CAPZA1: variants seen among roughly 807,000 people sequenced by gnomAD.
CAPZA1 encodes F-actin-capping protein subunit alpha-1.
Under a neutral mutation model 40.8 loss-of-function variants are expected in CAPZA1, and 10 were observed. The ratio of observed to expected loss-of-function variants is 0.25; its 90% CI spans 0.15 to 0.42. The LOEUF is 0.42. Ranked by LOEUF, CAPZA1 falls within the 10% of genes least tolerant of loss-of-function variation. The pLI is 1.00. For missense variants in CAPZA1, 277 were observed against 353.8 expected (o/e 0.78, Z 1.74); for synonymous variants, 98 against 115.0 (o/e 0.85, Z 0.95).
intron 1 of CAPZA1, among the ~76,000 whole-genome samples, chr1:112,627,636 C>CAAAAAAAAAA (rs3034524): frequency 2.0e-4 from 10 of 50,764 alleles, no homozygotes; most frequent in African/African-American, 7.4e-4. Flanking sequence ...GACTCTGTCT[C>CAAAAAAAAAA]AAAAAAAAAA....
At chr1:112,621,495 A>G (rs1022745073) in intron 1 of CAPZA1, among the ~76,000 whole-genome samples, 4 of 152,120 alleles carry the variant, frequency 2.6e-5, no homozygotes, top group African/African-American at 9.7e-5. Context: ...CAAACGATCC[A>G]TCCGTCTTCG....
chr1:112,624,520 A>G lies in CAPZA1; in HGVS notation c.39+4637A>G, dbSNP rs1197368642. 2.7e-5 allele frequency among the ~76,000 whole-genome samples: 4 copies of G among 148,234 alleles called. No individual in the cohort carries two copies. In the East Asian group the frequency reaches 8.1e-4, roughly 30 times the overall value. ...CTACTCAGGAGGCTGAGGCAGGAGAATAGCTTGAACCCAGGAGGCGGAGGT... is the reference window on the plus strand; with the variant it reads ...CTACTCAGGAGGCTGAGGCAGGAGAGTAGCTTGAACCCAGGAGGCGGAGGT... On this transcript the variant is annotated intron_variant, in intron 1 of 9. Coordinates refer to ENST00000263168, the MANE Select transcript of CAPZA1 (RefSeq NM_006135.3).
intron 7 of CAPZA1, 142 bp downstream of exon 7, chr1:112,659,921 TG>T (rs1363719284): frequency 9.3e-6 from 6 of 646,338 alleles, no homozygotes; most frequent in Non-Finnish European, 1.7e-5. Context: ...GCCTCCTTCT[TG>T]GGGTGGTAAA....
chr1:112,659,787 T>G lies in CAPZA1; in HGVS notation c.585+8T>G. On this transcript the variant is annotated splice_region_variant and intron_variant, in intron 7 of 9. Coordinates refer to ENST00000263168, the MANE Select transcript of CAPZA1 (RefSeq NM_006135.3). ...GGCGTGCTTAAGATTCAGGTGAGAT[T>G]CCAACATGTTTATAGACTTAAAACT... is the stretch of plus-strand genomic sequence containing the variant. 2.5e-6 allele frequency: 4 copies of G among 1,607,330 alleles called. No individual in the cohort carries two copies. Among genetic ancestry groups the G allele is most frequent in the Non-Finnish European group, 3.4e-6 (4 of 1,174,336 alleles).
intron 2 of CAPZA1, among the ~76,000 whole-genome samples, chr1:112,648,594 G>A (rs1462291890): frequency 1.3e-5 from 2 of 151,522 alleles, no homozygotes; most frequent in African/African-American, 2.4e-5. Flanking sequence ...GGGATTACAG[G>A]CGTGAGCCAC....
At chr1:112,656,381 C>A (rs752555894) in intron 5 of CAPZA1, among the ~76,000 whole-genome samples, 3 of 144,114 alleles carry the variant, frequency 2.1e-5, no homozygotes, top group African/African-American at 7.8e-5. Flanking sequence ...CAGTGCCTGG[C>A]ACAAAGTAAG....
intron 2 of CAPZA1, among the ~76,000 whole-genome samples, 186 bp from the exon 3 acceptor site, chr1:112,649,232 A>C (rs896831756): frequency 2.6e-5 from 4 of 152,240 alleles, no homozygotes; most frequent in African/African-American, 9.6e-5. Flanking sequence ...ACTATATAGC[A>C]CACATAATTG....
intron 7 of CAPZA1, among the ~76,000 whole-genome samples, chr1:112,666,118 A>G (rs1258883568): frequency 1.3e-5 from 2 of 152,098 alleles, no homozygotes; most frequent in Admixed American, 6.6e-5. Flanking sequence ...AATTCTTAAC[A>G]TGGTTTATAA....
chr1:112,637,821 C>T (rs576287862), intron 1 of CAPZA1, among the ~76,000 whole-genome samples: 10 of 152,114 alleles, frequency 6.6e-5, no homozygotes, highest in Admixed American at 2.0e-4. Context: ...AAAGAATAAT[C>T]ATATTTCATG....
chr1:112,652,479 CAA>C (rs35996522), intron 3 of CAPZA1, among the ~76,000 whole-genome samples: 28 of 73,374 alleles, frequency 3.8e-4, no homozygotes, highest in Non-Finnish European at 2.7e-4. Context: ...AACTCCATCT[CAA>C]AAAAAAAAAA....
chr1:112,623,286 G>A (rs1670722128), intron 1 of CAPZA1, among the ~76,000 whole-genome samples: 1 of 152,158 alleles, frequency 6.6e-6, no homozygotes, highest in Admixed American at 6.5e-5. Context: ...GTTTGGTGTG[G>A]CTGTTTTCTA....
At chr1:112,659,131 A>C in intron 6 of CAPZA1, 30 bp downstream of exon 6, 1 of 1,454,468 alleles carries the variant, frequency 6.9e-7, no homozygotes, top group Non-Finnish European at 9.7e-7. Context: ...TTCTATTTAC[A>C]TCTGAAAGAA....
Position 112,638,419 on chromosome 1 carries a change from G to A in CAPZA1, c.40-8791G>A, listed in dbSNP as rs534710050. Among the ~76,000 whole-genome samples, 4 of 152,082 alleles carry A rather than the reference G, an allele frequency of 2.6e-5. No homozygotes were observed. In the South Asian group the frequency reaches 6.2e-4, roughly 24 times the overall value. On this transcript the variant is annotated intron_variant, in intron 1 of 9. Transcript: ENST00000263168. Reference sequence around the variant, plus strand: ...AACCTCCGTCTCCTGGGTTCAAGCAGTTCTCCTGCCTCAGCCTCCCGAGTA... The same window carrying A: ...AACCTCCGTCTCCTGGGTTCAAGCAATTCTCCTGCCTCAGCCTCCCGAGTA...
At chr1:112,634,749 C>T (rs1164025137) in intron 1 of CAPZA1, 1 of 151,952 alleles carries the variant, frequency 6.6e-6, no homozygotes, top group Non-Finnish European at 1.5e-5. Context: ...AACCAGAAAA[C>T]CTGCTACACA....
intron 7 of CAPZA1, among the ~76,000 whole-genome samples, chr1:112,666,676 A>G (rs571029970): frequency 6.6e-6 from 1 of 152,334 alleles, no homozygotes; most frequent in East Asian, 1.9e-4. Context: ...AATGTGCCAA[A>G]TATTAGGTAT....
At chr1:112,666,584 G>T (rs1671728072) in intron 7 of CAPZA1, among the ~76,000 whole-genome samples, 1 of 151,880 alleles carries the variant, frequency 6.6e-6, no homozygotes, top group African/African-American at 2.4e-5. Flanking sequence ...TTGTTTTTCT[G>T]TCCTGTCTTT....
At chr1:112,660,867 AAGG>A (rs1671593506) in intron 7 of CAPZA1, among the ~76,000 whole-genome samples, 1 of 122,686 alleles carries the variant, frequency 8.2e-6, no homozygotes, top group Non-Finnish European at 1.6e-5. Context: ...TTTTTTTGAG[AAGG>A]AGGAGAAGGA....
intron 3 of CAPZA1, among the ~76,000 whole-genome samples, chr1:112,651,381 G>T (rs1296585754): frequency 1.3e-5 from 2 of 152,120 alleles, no homozygotes; most frequent in Non-Finnish European, 2.9e-5. Context: ...GGTAAGATGA[G>T]TAATTCCAAG....
At chr1:112,648,478 C>T (rs1379069547) in intron 2 of CAPZA1, among the ~76,000 whole-genome samples, 3 of 150,542 alleles carry the variant, frequency 2.0e-5, no homozygotes, top group South Asian at 4.2e-4. Context: ...CACCACACTT[C>T]GCTAATTTTT....
Sources: gnomAD v4.1 joint callset for allele counts (sites outside exome capture counted in the v4.1 genomes callset) on GRCh38, gnomAD v4.1.1 for gene constraint, MANE v1.5 for transcripts, NCBI Gene and HGNC (gene_info 2026-07-23, HGNC 2026-07-21) for gene names.